The following SMAD3 variants were observed in gnomAD, a reference collection of about 807,000 sequenced individuals.
SMAD3 encodes the protein SMAD family member 3.
In SMAD3, 12 loss-of-function variants were observed where a neutral mutation model predicts 51.8. That is an observed-to-expected ratio of 0.23 (90% CI 0.15 to 0.38). The LOEUF is 0.38. Ranked by LOEUF, SMAD3 falls within the 10% of genes least tolerant of loss-of-function variation. The pLI, the probability that SMAD3 is intolerant of heterozygous loss-of-function variation, is 1.00. For synonymous variants in SMAD3, 238 were observed against 227.7 expected, an observed-to-expected ratio of 1.05 and a Z score of -0.41; for missense variants, 294 against 565.6, an observed-to-expected ratio of 0.52 and a Z score of 4.87.
At chr15:67,080,523 A>C (rs1037374212) in intron 1 of SMAD3, among the ~76,000 whole-genome samples, 8 of 152,166 alleles carry the variant, frequency 5.3e-5, no homozygotes, top group African/African-American at 1.9e-4. Flanking sequence ...GCCCAGTGCA[A>C]CTTGGATGAT....
intron 5 of SMAD3, among the ~76,000 whole-genome samples, chr15:67,177,529 TC>T (rs1292000426): frequency 1.4e-5 from 2 of 147,448 alleles, no homozygotes. Context: ...TTCAAGTGAT[TC>T]TCCTGCCTCA....
intron 5 of SMAD3, chr15:67,174,461 C>G (rs1962835946): frequency 6.6e-6 from 1 of 152,300 alleles, no homozygotes; most frequent in Non-Finnish European, 1.5e-5. Flanking sequence ...GAGGCAAGCC[C>G]TGAAGGACAG....
intron 1 of SMAD3, among the ~76,000 whole-genome samples, chr15:67,067,680 C>T (rs1264069909): frequency 6.6e-6 from 1 of 152,108 alleles, no homozygotes; most frequent in Non-Finnish European, 1.5e-5. Flanking sequence ...AAATAAATGC[C>T]ACATATGGTG....
intron 5 of SMAD3, among the ~76,000 whole-genome samples, chr15:67,176,090 G>A (rs947758507): frequency 6.6e-6 from 1 of 152,178 alleles, no homozygotes; most frequent in African/African-American, 2.4e-5. Flanking sequence ...AGCTTGGTTT[G>A]GTATTTTAGT....
intron 8 of SMAD3, among the ~76,000 whole-genome samples, chr15:67,189,988 G>T (rs188156017): frequency 6.6e-6 from 1 of 152,124 alleles, no homozygotes; most frequent in East Asian, 2.0e-4. Flanking sequence ...GCCTGCTGGG[G>T]CTGGGCCCAG....
intron 1 of SMAD3, among the ~76,000 whole-genome samples, chr15:67,072,578 C>T (rs569744563): frequency 6.6e-6 from 1 of 152,358 alleles, no homozygotes; most frequent in East Asian, 1.9e-4. Context: ...AAATCCCCAT[C>T]TCATAGTGTT....
chr15:67,173,813 A>G (rs74020121), intron 5 of SMAD3, among the ~76,000 whole-genome samples: 21,217 of 152,146 alleles, frequency 0.14, 2,314 homozygotes, highest in East Asian at 0.3. Flanking sequence ...GAGAAATGGT[A>G]GCAGAGCTGG....
chr15:67,077,204 T>C (rs1181987354), intron 1 of SMAD3, among the ~76,000 whole-genome samples: 7 of 151,714 alleles, frequency 4.6e-5, no homozygotes. Context: ...ATTTTTGCTC[T>C]TAGGGCAGGC....
chr15:67,163,109 G>A (rs1962475676), intron 1 of SMAD3, among the ~76,000 whole-genome samples: 1 of 152,074 alleles, frequency 6.6e-6, no homozygotes, highest in Admixed American at 6.5e-5. Context: ...GAGTAGCTGG[G>A]ATTACAGGCG....
chr15:67,073,183 C>G lies in SMAD3; in HGVS notation c.206+6823C>G, dbSNP rs1230861045. 2.0e-5 allele frequency among the ~76,000 whole-genome samples: 3 copies of G among 152,224 alleles called. No individual in the cohort carries two copies. In the South Asian group the frequency reaches 6.2e-4, roughly 32 times the overall value. ...ATTGACTTGACAAGGATCTCTCTCT[C>G]TCTTTCTCTTTCTCTCTGTATAACA... is the stretch of plus-strand genomic sequence containing the variant. On this transcript the variant is annotated intron_variant, in intron 1 of 8. Coordinates refer to ENST00000327367, the MANE Select transcript of SMAD3 (RefSeq NM_005902.4).
chr15:67,145,678 A>G lies in SMAD3; in HGVS notation c.207-19217A>G, dbSNP rs149420195. 9.7e-4 allele frequency among the ~76,000 whole-genome samples: 147 copies of G among 152,278 alleles called. 1 individual carries two copies. The highest frequency in any genetic ancestry group is 3.4e-3 in the Middle Eastern group (1 of 294). On this transcript the variant is annotated intron_variant, in intron 1 of 8. Transcript: ENST00000327367. The stretch of plus-strand genomic sequence containing the variant: ...GGTTTATGAAGGGCCTACATGTGCA[A>G]TCTCTACAGGAACCACTTCCCACAT...
intron 1 of SMAD3, chr15:67,137,940 T>C: frequency 1.1e-6 from 1 of 921,504 alleles, no homozygotes; most frequent in Non-Finnish European, 1.7e-6. Context: ...TAGGAGGTAC[T>C]AGAATTCGGA....
At chr15:67,125,374 G>A (rs1263590166) in intron 1 of SMAD3, among the ~76,000 whole-genome samples, 1 of 152,220 alleles carries the variant, frequency 6.6e-6, no homozygotes, top group African/African-American at 2.4e-5. Flanking sequence ...TTCTCTCTGG[G>A]ATCACCCCAT....
intron 1 of SMAD3, among the ~76,000 whole-genome samples, chr15:67,090,737 C>T (rs554334566): frequency 4.5e-4 from 68 of 152,278 alleles, no homozygotes; most frequent in African/African-American, 1.6e-3. Flanking sequence ...ACTGCAGTTC[C>T]CCTCCCCAGC....
intron 1 of SMAD3, among the ~76,000 whole-genome samples, chr15:67,113,510 C>T (rs1460079048): frequency 6.6e-6 from 1 of 152,036 alleles, no homozygotes; most frequent in Non-Finnish European, 1.5e-5. Flanking sequence ...GGGGAGAAGA[C>T]AAGAAAATAG....
chr15:67,133,832 G>C (rs1961587375), intron 1 of SMAD3, among the ~76,000 whole-genome samples: 1 of 152,110 alleles, frequency 6.6e-6, no homozygotes, highest in South Asian at 2.1e-4. Context: ...TTCTGAATGA[G>C]GCAACTGAGA....
intron 4 of SMAD3, among the ~76,000 whole-genome samples, chr15:67,168,891 C>A (rs551075699): frequency 1.3e-5 from 2 of 152,246 alleles, no homozygotes; most frequent in South Asian, 4.1e-4. Flanking sequence ...TCCCTGCCCC[C>A]CAGGGTGTGG....
chr15:67,112,926 C>T lies in SMAD3; in HGVS notation c.206+46566C>T, dbSNP rs1413670857. Among the ~76,000 whole-genome samples, 3 of 129,952 alleles carry T rather than the reference C, an allele frequency of 2.3e-5. 1 individual carries two copies. The highest frequency in any genetic ancestry group is 5.9e-4 in the East Asian group (2 of 3,380). 85.3% of individuals were successfully genotyped at this position (129,952 alleles called of 152,430 possible). A position where few individuals can be genotyped will look rare whatever the true frequency, so the allele number is the denominator to read the frequency against. ...CTTTCCCCAGTGAATTGTCTTGGCA[C>T]CCTTGTAGAAAATCATTTGACTGTA... On this transcript the variant is annotated intron_variant, in intron 1 of 8. Transcript: ENST00000327367.
At chr15:67,086,521 G>A (rs932318447) in intron 1 of SMAD3, among the ~76,000 whole-genome samples, 6 of 152,138 alleles carry the variant, frequency 3.9e-5, no homozygotes, top group Non-Finnish European at 5.9e-5. Context: ...TGTGAAATGC[G>A]CCCTAGGAGG....
Sources: allele counts gnomAD v4.1 joint callset (sites outside exome capture counted in the v4.1 genomes callset), GRCh38; gene constraint gnomAD v4.1.1; transcripts MANE v1.5; gene names NCBI Gene and HGNC (gene_info 2026-07-23, HGNC 2026-07-21).